The following PAMR1 variants were observed in gnomAD, a reference collection of about 807,000 sequenced individuals.
PAMR1 encodes the protein inactive serine protease PAMR1.
A neutral mutation model predicts 81.8 loss-of-function variants in PAMR1; 88 were observed. The ratio of observed to expected loss-of-function variants is 1.08; its 90% CI spans 0.91 to 1.28. The LOEUF is 1.28. PAMR1 is among the 50% of genes most tolerant of loss of function. PAMR1 has a pLI of 0.00. For missense variants in PAMR1, 935 were observed against 919.7 expected (o/e 1.02, Z -0.21); for synonymous variants, 336 against 345.3 (o/e 0.97, Z 0.30).
intron 3 of PAMR1, among the ~76,000 whole-genome samples, chr11:35,484,308 C>G (rs537505455): frequency 3.9e-5 from 6 of 152,278 alleles, no homozygotes; most frequent in Admixed American, 3.3e-4. Flanking sequence ...GATTCAAATC[C>G]AAGCCCAGGC....
At chr11:35,448,814 A>G (rs1039129860) in intron 6 of PAMR1, among the ~76,000 whole-genome samples, 2 of 152,002 alleles carry the variant, frequency 1.3e-5, no homozygotes, top group East Asian at 1.9e-4. Flanking sequence ...TGACCTTTGG[A>G]TGAGATTTTT....
At chr11:35,452,665 AC>A (rs1856441881) in intron 6 of PAMR1, among the ~76,000 whole-genome samples, 2 of 152,154 alleles carry the variant, frequency 1.3e-5, no homozygotes, top group South Asian at 4.1e-4. Context: ...AGAAAATGTG[AC>A]TGTAAAATTT....
In PAMR1 at chr11:35,434,649, G is replaced by A. The variant is rs1259318024; in HGVS notation, c.1489C>T (p.Arg497Cys). Residue 497 changes from arginine to cysteine, a missense_variant, in exon 10 of 11, where the codon CGC (arginine) becomes TGC (cysteine). Coordinates refer to ENST00000619888, the MANE Select transcript of PAMR1 (RefSeq NM_001001991.3). ...CAGTGGGCAGCCACCACCACAGTGCGCTCATTCACCAGGGCACCGCTGCAG... is the reference window on the plus strand; with the variant it reads ...CAGTGGGCAGCCACCACCACAGTGCACTCATTCACCAGGGCACCGCTGCAG... ...LVCSGALVNE[R>C]TVVVAAHCVT... 1.1e-5 allele frequency: 17 copies of A among 1,613,976 alleles called. No individual in the cohort carries two copies. The highest frequency in any genetic ancestry group is 2.2e-5 in the East Asian group (1 of 44,890).
intron 6 of PAMR1, chr11:35,451,924 TC>T: frequency 1.4e-6 from 1 of 699,302 alleles, no homozygotes; most frequent in Non-Finnish European, 2.6e-6. Flanking sequence ...ATCTTGGACT[TC>T]CCAGCCTCCA....
intron 1 of PAMR1, among the ~76,000 whole-genome samples, chr11:35,503,898 T>C (rs974993435): frequency 1.3e-4 from 20 of 152,268 alleles, no homozygotes; most frequent in African/African-American, 4.6e-4. Flanking sequence ...AGACTCCCAG[T>C]ATTATAATGA....
At chr11:35,492,651 AACTT>A (rs1332874019) in intron 2 of PAMR1, among the ~76,000 whole-genome samples, 1 of 152,162 alleles carries the variant, frequency 6.6e-6, no homozygotes, top group Non-Finnish European at 1.5e-5. Context: ...TTGTTTTTGT[AACTT>A]ACTTTTGAAT....
chr11:35,439,084 C>T (rs1392609423), intron 8 of PAMR1, among the ~76,000 whole-genome samples: 2 of 152,096 alleles, frequency 1.3e-5, no homozygotes, highest in South Asian at 4.2e-4. Flanking sequence ...TAGAAAGGGG[C>T]TACTCCCTCC....
At chr11:35,495,058 C>T (rs576013316) in intron 1 of PAMR1, among the ~76,000 whole-genome samples, 1 of 152,316 alleles carries the variant, frequency 6.6e-6, no homozygotes, top group South Asian at 2.1e-4. Flanking sequence ...CATACTGCAG[C>T]CCAGGCATGT....
intron 5 of PAMR1, among the ~76,000 whole-genome samples, chr11:35,470,362 G>C (rs1173436794): frequency 6.6e-6 from 1 of 152,192 alleles, no homozygotes; most frequent in African/African-American, 2.4e-5. Context: ...AAGTCATTCA[G>C]CCTCTCCGTG....
At chr11:35,515,794 G>C (rs946654357) in intron 1 of PAMR1, among the ~76,000 whole-genome samples, 3 of 152,136 alleles carry the variant, frequency 2.0e-5, no homozygotes, top group Non-Finnish European at 2.9e-5. Flanking sequence ...CAAGGAGAGA[G>C]AGCAAGTGTC....
chr11:35,529,884 A>T (rs1375223059), upstream of PAMR1: 1 of 152,218 alleles, frequency 6.6e-6, no homozygotes, highest in Non-Finnish European at 1.5e-5. Flanking sequence ...CAGGCCACCC[A>T]TTTAATTACA....
At chr11:35,507,039 CTTTTTTT>C (rs71044524) in intron 1 of PAMR1, among the ~76,000 whole-genome samples, 1,028 of 86,836 alleles carry the variant, frequency 0.012, 50 homozygotes, top group African/African-American at 0.038. Context: ...AATAGCCTGA[CTTTTTTT>C]TTTTTTTTTT....
chr11:35,474,664 T>A lies in PAMR1; in HGVS notation c.460A>T (p.Ile154Phe). Reference protein sequence around the residue: ...YPLNAHCEWTIHAKPGFVIQL... With the variant: ...YPLNAHCEWTFHAKPGFVIQL... ...ATGACAAACCCAGGTTTAGCATGAA[T>A]GGTCCATTCACAGTGAGCATTTAGG... Residue 154 changes from isoleucine to phenylalanine, a missense_variant, in exon 4 of 11, where the codon ATT (isoleucine) becomes TTT (phenylalanine). By Grantham distance (21) the Ile-to-Phe change is conservative. Transcript: ENST00000619888. The A allele has an allele frequency of 6.2e-7, 1 of 1,608,422 alleles. No homozygotes were observed. The highest frequency in any genetic ancestry group is 8.5e-7 in the Non-Finnish European group (1 of 1,177,612).
At chr11:35,486,605 C>A (rs1850513807) in intron 3 of PAMR1, among the ~76,000 whole-genome samples, 1 of 152,204 alleles carries the variant, frequency 6.6e-6, no homozygotes, top group South Asian at 2.1e-4. Flanking sequence ...CAAATGGACA[C>A]AATCACCAGC....
chr11:35,527,739 T>C (rs1284350382), upstream of PAMR1, among the ~76,000 whole-genome samples: 1 of 152,138 alleles, frequency 6.6e-6, no homozygotes, highest in Non-Finnish European at 1.5e-5. Flanking sequence ...AGATTCTACC[T>C]TCCTCAGGTT....
chr11:35,507,796 T>TA (rs1456614585), intron 1 of PAMR1, among the ~76,000 whole-genome samples: 3 of 28,070 alleles, frequency 1.1e-4, no homozygotes, highest in South Asian at 2.2e-3. Flanking sequence ...CCTATTGAAA[T>TA]CTTTTTTTTT....
At chr11:35,441,745 T>C in intron 6 of PAMR1, 52 bp from the exon 7 acceptor site, 3 of 1,235,630 alleles carry the variant, frequency 2.4e-6, no homozygotes, top group Non-Finnish European at 3.4e-6. Flanking sequence ...AGTTATTCCA[T>C]TTTAGAATAG....
intron 6 of PAMR1, among the ~76,000 whole-genome samples, chr11:35,458,993 A>C (rs1374073153): frequency 6.6e-6 from 1 of 152,194 alleles, no homozygotes; most frequent in Non-Finnish European, 1.5e-5. Context: ...AACTCTTTTG[A>C]TCCCTTTCCA....
intron 6 of PAMR1, among the ~76,000 whole-genome samples, chr11:35,452,123 A>G (rs1856432454): frequency 6.6e-6 from 1 of 152,242 alleles, no homozygotes. Context: ...TATGCTGAAT[A>G]TGTTCGAGGA....
Sources: allele counts gnomAD v4.1 joint callset (sites outside exome capture counted in the v4.1 genomes callset), GRCh38; gene constraint gnomAD v4.1.1; transcripts MANE v1.5; gene names NCBI Gene and HGNC (gene_info 2026-07-23, HGNC 2026-07-21).